The following PTPRD variants were observed in gnomAD, a reference collection of about 807,000 sequenced individuals.
PTPRD encodes the protein protein tyrosine phosphatase receptor type D, also known as receptor-type tyrosine-protein phosphatase delta.
A neutral mutation model predicts 214.5 loss-of-function variants in PTPRD; 34 were observed. The observed-to-expected ratio is 0.16, with a 90% CI of 0.12 to 0.21. PTPRD has a LOEUF of 0.21. PTPRD is among the 10% of genes least tolerant of loss of function. PTPRD has a pLI of 1.00. For synonymous variants in PTPRD, 1,128 were observed against 845.7 expected, an observed-to-expected ratio of 1.33 and a Z score of -5.79; for missense variants, 2,545 against 2,398.7, an observed-to-expected ratio of 1.06 and a Z score of -1.27.
rs1415591853 is a variant in PTPRD, at chr9:9,369,286, T to A, written c.-203+28163A>T. On this transcript the variant is annotated intron_variant, in intron 9 of 45. Transcript: ENST00000381196. The stretch of plus-strand genomic sequence containing the variant: ...CCAGCACCTGTTGTTTCCTGACTTT[T>A]TAATGATCACCATTCTAACTGGTGT... Among the ~76,000 whole-genome samples the A allele has an allele frequency of 4.6e-5, 7 of 152,290 alleles. No individual in the cohort carries two copies. In the East Asian group the frequency reaches 1.4e-3, roughly 29 times the overall value.
rs1349407673 is a variant in PTPRD, at chr9:9,488,074, G to C, written c.-237+86658C>G. On this transcript the variant is annotated intron_variant, in intron 8 of 45. Transcript: ENST00000381196. Reference sequence around the variant, plus strand: ...TTATATATGTTGATCCACTATTATTGTAACCTTTATTTTGCAGCAGAAGAA... The same window carrying C: ...TTATATATGTTGATCCACTATTATTCTAACCTTTATTTTGCAGCAGAAGAA... Among the ~76,000 whole-genome samples the C allele has an allele frequency of 3.3e-5, 5 of 152,174 alleles. No individual in the cohort carries two copies. The South Asian group carries it at 1.0e-3, about 32-fold the overall frequency.
intron 4 of PTPRD, among the ~76,000 whole-genome samples, chr9:10,029,525 C>G (rs992821846): frequency 6.6e-6 from 1 of 152,160 alleles, no homozygotes; most frequent in Non-Finnish European, 1.5e-5. Context: ...GACATGGAGT[C>G]AAAGGAGATC....
chr9:8,645,653 A>C (rs2096671341), intron 12 of PTPRD, among the ~76,000 whole-genome samples: 1 of 152,132 alleles, frequency 6.6e-6, no homozygotes, highest in Non-Finnish European at 1.5e-5. Context: ...AGGAGAGAGA[A>C]GAAGAAAGGG....
intron 7 of PTPRD, among the ~76,000 whole-genome samples, chr9:9,607,555 T>A (rs972002277): frequency 6.6e-6 from 1 of 152,152 alleles, no homozygotes; most frequent in Non-Finnish European, 1.5e-5. Flanking sequence ...AAAGTTTATA[T>A]GTCTTCTTTA....
At position 9,642,726 on chromosome 9, in the gene PTPRD, GATC is replaced by G. The variant is rs1459264389; in HGVS notation, c.-286-67948_-286-67946del. 7.2e-5 allele frequency among the ~76,000 whole-genome samples: 11 copies of G among 152,108 alleles called. No homozygotes were observed. In the East Asian group the frequency reaches 2.1e-3, roughly 29 times the overall value. ...AACACACACAGAGGTAAATAGTAAG[GATC>G]ATATTTTAAGCAACTCAAGGAACTA... On this transcript the variant is annotated intron_variant, in intron 7 of 45. Coordinates refer to ENST00000381196, the MANE Select transcript of PTPRD (RefSeq NM_002839.4).
intron 3 of PTPRD, among the ~76,000 whole-genome samples, chr9:10,210,642 C>CAT (rs1268637677): frequency 2.7e-5 from 4 of 149,634 alleles, no homozygotes; most frequent in Admixed American, 6.7e-5. Context: ...TGTATATATA[C>CAT]ATATATATAC....
intron 11 of PTPRD, among the ~76,000 whole-genome samples, chr9:8,794,620 A>G (rs1057440578): frequency 3.3e-5 from 5 of 151,614 alleles, no homozygotes; most frequent in Non-Finnish European, 7.4e-5. Flanking sequence ...CTGGAGCTAC[A>G]GGCATGTGTC....
Position 8,834,223 on chromosome 9 carries a change from T to C in PTPRD, c.-103-100277A>G, listed in dbSNP as rs144221564. The stretch of plus-strand genomic sequence containing the variant: ...TGTTTTTTTCCATGATATTAAATAA[T>C]TATAACAGACAAGGAAGCTTTCTTA... On this transcript the variant is annotated intron_variant, in intron 11 of 45. Transcript: ENST00000381196. Among the ~76,000 whole-genome samples the C allele has an allele frequency of 8.6e-3, 1,307 of 152,208 alleles. 21 individuals carry two copies. The highest frequency in any genetic ancestry group is 0.03 in the African/African-American group (1,238 of 41,550).
At chr9:9,035,321 C>T (rs957578489) in intron 10 of PTPRD, among the ~76,000 whole-genome samples, 2 of 152,038 alleles carry the variant, frequency 1.3e-5, no homozygotes, top group Admixed American at 6.6e-5. Flanking sequence ...ATATAAAGTA[C>T]CTTCTCTGTC....
chr9:10,116,643 G>C (rs554591907), intron 3 of PTPRD, among the ~76,000 whole-genome samples: 1 of 152,098 alleles, frequency 6.6e-6, no homozygotes, highest in South Asian at 2.1e-4. Context: ...GAACAGTCCA[G>C]ACTGCTAAAG....
chr9:8,853,621 A>G (rs1601931724), intron 11 of PTPRD, among the ~76,000 whole-genome samples: 1 of 152,192 alleles, frequency 6.6e-6, no homozygotes, highest in Admixed American at 6.5e-5. Flanking sequence ...TGTTCAAATG[A>G]AATTTACTGA....
At chr9:8,941,815 T>C (rs2099035695) in intron 11 of PTPRD, among the ~76,000 whole-genome samples, 2 of 151,766 alleles carry the variant, frequency 1.3e-5, no homozygotes, top group Non-Finnish European at 2.9e-5. Context: ...TGTTTGTTTG[T>C]TTGTTTTGAG....
At chr9:8,751,824 A>G (rs1416561356) in intron 11 of PTPRD, among the ~76,000 whole-genome samples, 1 of 152,228 alleles carries the variant, frequency 6.6e-6, no homozygotes, top group Non-Finnish European at 1.5e-5. Context: ...TTAAAAATGC[A>G]TTATAAAACG....
chr9:9,767,445 T>C (rs184664130), intron 5 of PTPRD, among the ~76,000 whole-genome samples: 72 of 152,032 alleles, frequency 4.7e-4, no homozygotes, highest in Admixed American at 1.0e-3. Context: ...AAAGAGAAAA[T>C]AGAATTGCTG....
intron 5 of PTPRD, among the ~76,000 whole-genome samples, chr9:9,913,237 A>G (rs1325121902): frequency 6.6e-6 from 1 of 152,220 alleles, no homozygotes; most frequent in East Asian, 1.9e-4. Context: ...CTACAGAGCA[A>G]CACTGAATAT....
chr9:8,378,063 T>C (rs2083797542), intron 37 of PTPRD, among the ~76,000 whole-genome samples: 2 of 152,124 alleles, frequency 1.3e-5, no homozygotes, highest in East Asian at 1.9e-4. Context: ...TTGATTCCTA[T>C]GCCTTGATTT....
intron 2 of PTPRD, among the ~76,000 whole-genome samples, chr9:10,554,099 T>C (rs1234237089): frequency 2.0e-5 from 3 of 152,190 alleles, no homozygotes; most frequent in South Asian, 2.1e-4. Flanking sequence ...CAAATGTCCA[T>C]CCCAAATCTA....
intron 11 of PTPRD, among the ~76,000 whole-genome samples, chr9:8,940,628 C>A (rs1001873321): frequency 6.6e-6 from 1 of 151,720 alleles, no homozygotes; most frequent in Non-Finnish European, 1.5e-5. Flanking sequence ...CCTAATACAT[C>A]AATATCTGAC....
At position 9,983,058 on chromosome 9, in the gene PTPRD, ACC is replaced by A. The variant is rs543493335; in HGVS notation, c.-471-44450_-471-44449del. ...TAAATCAAATACTTAAATATGTTAT[ACC>A]AAAAAAAAAAAAAAACTTTATTACT... On this transcript the variant is annotated intron_variant, in intron 4 of 45. Coordinates refer to ENST00000381196, the MANE Select transcript of PTPRD (RefSeq NM_002839.4). 2.9e-3 allele frequency among the ~76,000 whole-genome samples: 152 copies of A among 52,826 alleles called. No individual in the cohort carries two copies. The East Asian group carries it at 0.039, about 13-fold the overall frequency. 34.7% of individuals were successfully genotyped at this position (52,826 alleles called of 152,430 possible).
Sources: gnomAD v4.1 joint callset for allele counts (sites outside exome capture counted in the v4.1 genomes callset) on GRCh38, gnomAD v4.1.1 for gene constraint, MANE v1.5 for transcripts, NCBI Gene and HGNC (gene_info 2026-07-23, HGNC 2026-07-21) for gene names.